The following RGS5 variants were observed in gnomAD, a reference collection of about 807,000 sequenced individuals.
RGS5 encodes regulator of G-protein signalling 5.
RGS5 carries 20 observed loss-of-function variants against 18.9 expected under a neutral mutation model. The observed-to-expected ratio is 1.06, with a 90% CI of 0.74 to 1.54. The LOEUF is 1.54. RGS5 is among the 40% of genes most tolerant of loss of function. RGS5 has a pLI of 0.00. For synonymous variants in RGS5, 57 were observed against 76.2 expected (o/e 0.75, Z 1.31); for missense variants, 201 against 211.8 (o/e 0.95, Z 0.32).
At chr1:163,304,123 C>T (rs1649634651) in intron 2 of RGS5, 1 of 152,186 alleles carries the variant, frequency 6.6e-6, no homozygotes, top group Non-Finnish European at 1.5e-5. Flanking sequence ...CCTATCTGGT[C>T]ACTGATTAAT....
At chr1:163,311,981 A>G (rs181477487) in intron 1 of RGS5, among the ~76,000 whole-genome samples, 1 of 152,354 alleles carries the variant, frequency 6.6e-6, no homozygotes, top group Admixed American at 6.5e-5. Context: ...GCAATAAAAC[A>G]AGATATGCTT....
intron 2 of RGS5, among the ~76,000 whole-genome samples, chr1:163,167,305 C>T (rs770292594): frequency 1.3e-5 from 2 of 152,136 alleles, no homozygotes; most frequent in African/African-American, 4.8e-5. Flanking sequence ...GATAGCAGAG[C>T]GAAGGAATTT....
intron 2 of RGS5, among the ~76,000 whole-genome samples, chr1:163,258,638 A>T (rs1557922328): frequency 6.8e-6 from 1 of 147,188 alleles, no homozygotes; most frequent in African/African-American, 2.6e-5. Flanking sequence ...TGCTAAAGTA[A>T]GTGTGTCTGT....
intron 4 of RGS5, among the ~76,000 whole-genome samples, chr1:163,149,450 G>A (rs1404952453): frequency 6.6e-6 from 1 of 152,146 alleles, no homozygotes; most frequent in Non-Finnish European, 1.5e-5. Context: ...ATTTTTTAAA[G>A]GAGTGATGTA....
At chr1:163,263,871 G>T (rs1648512807) in intron 2 of RGS5, among the ~76,000 whole-genome samples, 1 of 151,054 alleles carries the variant, frequency 6.6e-6, no homozygotes, top group South Asian at 2.1e-4. Flanking sequence ...GATGCTCCAT[G>T]CCTTATTTCC....
chr1:163,219,986 G>T (rs555681141), upstream of RGS5, among the ~76,000 whole-genome samples: 1 of 152,156 alleles, frequency 6.6e-6, no homozygotes, highest in African/African-American at 2.4e-5. Flanking sequence ...AGTAGATACC[G>T]CCAGTTTTTC....
intron 1 of RGS5, among the ~76,000 whole-genome samples, chr1:163,184,707 CAGAA>C (rs1658998883): frequency 6.6e-6 from 1 of 152,074 alleles, no homozygotes; most frequent in Admixed American, 6.6e-5. Flanking sequence ...TGAAATCAGA[CAGAA>C]AGATTAAAAA....
At chr1:163,282,035 G>A (rs1238232887) in intron 2 of RGS5, among the ~76,000 whole-genome samples, 7 of 143,284 alleles carry the variant, frequency 4.9e-5, no homozygotes, top group East Asian at 2.0e-4. Flanking sequence ...GACTTCAGAA[G>A]TGCACGCGCG....
intron 2 of RGS5, among the ~76,000 whole-genome samples, chr1:163,270,650 C>A (rs1648696441): frequency 6.6e-6 from 1 of 152,130 alleles, no homozygotes; most frequent in Non-Finnish European, 1.5e-5. Flanking sequence ...AATAAAACTA[C>A]TGACAATCCA....
At chr1:163,172,482 A>C in intron 1 of RGS5, 6 of 1,489,270 alleles carry the variant, frequency 4.0e-6, no homozygotes, top group Non-Finnish European at 5.5e-6. Flanking sequence ...TTGTGGAATG[A>C]TCTAGAAATC....
chr1:163,187,179 CTA>C (rs1396483900), intron 1 of RGS5, among the ~76,000 whole-genome samples: 1 of 152,136 alleles, frequency 6.6e-6, no homozygotes, highest in African/African-American at 2.4e-5. Context: ...AAAAGCTGAG[CTA>C]TACTTAGTGG....
At chr1:163,290,677 T>C (rs1450220764) in intron 2 of RGS5, among the ~76,000 whole-genome samples, 1 of 151,848 alleles carries the variant, frequency 6.6e-6, no homozygotes, top group African/African-American at 2.4e-5. Flanking sequence ...AAAATGAATA[T>C]TTCAAAGATC....
upstream of RGS5, among the ~76,000 whole-genome samples, chr1:163,222,389 C>A (rs575964684): frequency 7.2e-5 from 11 of 152,136 alleles, no homozygotes; most frequent in East Asian, 2.1e-3. Flanking sequence ...AACCACCAAC[C>A]CCCCACCCCA....
chr1:163,303,110 G>T (rs1246662313), intron 2 of RGS5, among the ~76,000 whole-genome samples: 1 of 151,970 alleles, frequency 6.6e-6, no homozygotes, highest in African/African-American at 2.4e-5. Context: ...AATTTCAAAT[G>T]GAGAAAAAAT....
At chr1:163,215,714 T>A (rs1282423591) in intron 1 of RGS5, among the ~76,000 whole-genome samples, 1 of 152,146 alleles carries the variant, frequency 6.6e-6, no homozygotes, top group East Asian at 1.9e-4. Flanking sequence ...TCCAGTCTTC[T>A]TTCCCCCAGT....
At chr1:163,216,648 G>T (rs887199581) in intron 1 of RGS5, among the ~76,000 whole-genome samples, 7 of 152,094 alleles carry the variant, frequency 4.6e-5, no homozygotes, top group South Asian at 2.1e-4. Context: ...ACTGTGCTGA[G>T]TATAAGAACA....
chr1:163,313,777 G>A (rs1173034115), intron 1 of RGS5, among the ~76,000 whole-genome samples: 2 of 152,168 alleles, frequency 1.3e-5, no homozygotes, highest in African/African-American at 2.4e-5. Context: ...GAAGGATTCA[G>A]GGATAAAATC....
In RGS5 at chr1:163,243,784, A is replaced by G. The variant is rs191475065; in HGVS notation, c.-281+62449T>C. Among the ~76,000 whole-genome samples, 118 of 151,280 alleles carry G rather than the reference A, an allele frequency of 7.8e-4. 1 individual carries two copies. Among genetic ancestry groups the G allele is most frequent in the Admixed American group, 2.4e-3 (37 of 15,208 alleles). ...TAAAGTAACATTAAAAAAAAAAAAG[A>G]AGGAGGAGGCATTTACACACATTCA... On this transcript the variant is annotated intron_variant, in intron 2 of 5. Transcript: ENST00000618415.
At chr1:163,209,301 G>A (rs1660044192) in intron 1 of RGS5, among the ~76,000 whole-genome samples, 1 of 152,120 alleles carries the variant, frequency 6.6e-6, no homozygotes, top group African/African-American at 2.4e-5. Context: ...TCGATTACCA[G>A]TAGAATACTG....
Sources: allele counts gnomAD v4.1 joint callset (sites outside exome capture counted in the v4.1 genomes callset), GRCh38; gene constraint gnomAD v4.1.1; transcripts MANE v1.5; gene names NCBI Gene and HGNC (gene_info 2026-07-23, HGNC 2026-07-21).